HDAC4: variants seen among roughly 807,000 people sequenced by gnomAD.
HDAC4 encodes histone deacetylase A.
A neutral mutation model predicts 135.1 loss-of-function variants in HDAC4; 16 were observed. The ratio of observed to expected loss-of-function variants is 0.12; its 90% CI spans 0.08 to 0.18. The LOEUF (loss-of-function observed/expected upper bound fraction) is 0.18, where lower values mean the gene tolerates loss of function less well. Among genes scored for constraint, HDAC4 ranks in the 10% least tolerant of loss-of-function variants. The pLI, the probability that HDAC4 is intolerant of heterozygous loss-of-function variation, is 1.00. For missense variants in HDAC4, 1,143 were observed against 1,511.8 expected, an observed-to-expected ratio of 0.76 and a Z score of 4.05; for synonymous variants, 685 against 653.4, an observed-to-expected ratio of 1.05 and a Z score of -0.74.
chr2:239,363,562 C>T lies in HDAC4; in HGVS notation c.-219-10644G>A, dbSNP rs1038698868. Among the ~76,000 whole-genome samples the T allele has an allele frequency of 3.3e-5, 5 of 152,224 alleles. No individual in the cohort carries two copies. The East Asian group carries it at 7.7e-4, about 23-fold the overall frequency. ...GATGCTAAATGAACCACAGCCCATA[C>T]AGCCCGCCATGATGGAAATTAGTAT... On this transcript the variant is annotated intron_variant, in intron 1 of 26. Coordinates refer to ENST00000543185, the MANE Select transcript of HDAC4 (RefSeq NM_001378414.1).
In HDAC4 at chr2:239,139,847, C is replaced by T. The variant is rs769586135; in HGVS notation, c.866-51G>A. The T allele has an allele frequency of 5.3e-6, 8 of 1,513,428 alleles. No homozygotes were observed. In the African/African-American group the frequency reaches 1.1e-4, roughly 21 times the overall value. The allele number at this position is 1,513,428 out of a possible 1,614,324, so 93.7% of individuals were successfully genotyped here. On this transcript the variant is annotated intron_variant, in intron 8 of 26. Transcript: ENST00000543185. This position sits in a 1 kb window ranked among gnomAD's most constrained non-coding sequence, Gnocchi z 5.3. ...AGTGTTACTCCATGCGGAGGGAGGG[C>T]CGTGCTGACCTGTGGCCCGAATGCC...
chr2:239,145,612 G>A (rs1212147177), intron 7 of HDAC4, among the ~76,000 whole-genome samples: 1 of 152,210 alleles, frequency 6.6e-6, no homozygotes, highest in Non-Finnish European at 1.5e-5. Context: ...CAAGAATACC[G>A]CCACGGAGAC....
intron 2 of HDAC4, among the ~76,000 whole-genome samples, chr2:239,271,956 G>T (rs988503322): frequency 1.3e-5 from 2 of 152,136 alleles, no homozygotes; most frequent in Non-Finnish European, 2.9e-5. Context: ...CCTGGCGCCA[G>T]ATTCCAACAA....
intron 1 of HDAC4, among the ~76,000 whole-genome samples, chr2:239,392,048 G>A (rs1696256294): frequency 6.6e-6 from 1 of 152,194 alleles, no homozygotes; most frequent in East Asian, 1.9e-4. Context: ...TGGGAGGTGA[G>A]TTGGATGCTC....
rs1692990289 is a variant in HDAC4, at chr2:239,349,826, C to T, written c.22+2852G>A. ...AGGCAAACCACCTCAGCTGTACCCC[C>T]TGCACAGATGGAGAGCAGAGAATGG... On this transcript the variant is annotated intron_variant, in intron 2 of 26. Transcript: ENST00000543185. This position sits in a 1 kb window ranked among gnomAD's most constrained non-coding sequence, Gnocchi z 5.7. Among the ~76,000 whole-genome samples the T allele has an allele frequency of 6.6e-6, 1 of 152,246 alleles. No individual in the cohort carries two copies. Among genetic ancestry groups the T allele is most frequent in the African/African-American group, 2.4e-5 (1 of 41,458 alleles).
chr2:239,114,940 G>A, intron 13 of HDAC4, 113 bp downstream of exon 13: 1 of 1,287,476 alleles, frequency 7.8e-7, no homozygotes, highest in Non-Finnish European at 1.1e-6. Flanking sequence ...ACACTGGACA[G>A]TGACCGCGCA....
chr2:239,169,585 A>C (rs2043325216), intron 5 of HDAC4, among the ~76,000 whole-genome samples: 1 of 152,190 alleles, frequency 6.6e-6, no homozygotes, highest in African/African-American at 2.4e-5. Context: ...TCCTCAACCC[A>C]GGCAACGCAC....
chr2:239,378,977 C>T (rs994458621), intron 1 of HDAC4, among the ~76,000 whole-genome samples: 1 of 152,188 alleles, frequency 6.6e-6, no homozygotes, highest in African/African-American at 2.4e-5. Flanking sequence ...CATGCTGGGC[C>T]CGCTCACTCA....
At chr2:239,084,465 GCACACACACA>G (rs78087978) in intron 19 of HDAC4, among the ~76,000 whole-genome samples, 1 of 107,970 alleles carries the variant, frequency 9.3e-6, no homozygotes, top group Non-Finnish European at 2.0e-5. Flanking sequence ...GCGTGCGCGC[GCACACACACA>G]CACACACACA....
chr2:239,087,505 G>A, intron 19 of HDAC4, 54 bp downstream of exon 19: 1 of 1,555,298 alleles, frequency 6.4e-7, no homozygotes, highest in Non-Finnish European at 8.8e-7. Context: ...AGCCCTAAGG[G>A]AGGGAAGGAA....
chr2:239,253,501 G>A (rs1340751432), intron 2 of HDAC4, among the ~76,000 whole-genome samples: 2 of 152,140 alleles, frequency 1.3e-5, no homozygotes, highest in Admixed American at 6.5e-5. Flanking sequence ...ATTAACACGC[G>A]CCTGTAGTAA....
chr2:239,310,025 C>T (rs1167142464), intron 2 of HDAC4, among the ~76,000 whole-genome samples: 1 of 152,204 alleles, frequency 6.6e-6, no homozygotes, highest in Non-Finnish European at 1.5e-5. Context: ...AAGTCAGATT[C>T]CACAGCAGGG....
Position 239,349,164 on chromosome 2 carries a change from G to A in HDAC4, c.22+3514C>T, listed in dbSNP as rs1559377991. ...CCATGCCAGATGGGCAGGCAAGGGT[G>A]AGCCAGGCAGGCAAGAGTGAGCCGG... is the stretch of plus-strand genomic sequence containing the variant. On this transcript the variant is annotated intron_variant, in intron 2 of 26. Transcript: ENST00000543185. This position sits in a 1 kb window ranked among gnomAD's most constrained non-coding sequence, Gnocchi z 5.7. Among the ~76,000 whole-genome samples, 1 of 152,158 alleles carries A rather than the reference G, an allele frequency of 6.6e-6. No homozygotes were observed. The highest frequency in any genetic ancestry group is 1.5e-5 in the Non-Finnish European group (1 of 68,016).
At position 239,052,334 on chromosome 2, in the gene HDAC4, G is replaced by A. The variant is rs1035114166; in HGVS notation, c.*763C>T. 3 of 152,240 alleles carry A rather than the reference G, an allele frequency of 2.0e-5. No individual in the cohort carries two copies. The highest frequency in any genetic ancestry group is 2.9e-5 in the Non-Finnish European group (2 of 68,044). 9.4% of individuals were successfully genotyped at this position (152,240 alleles called of 1,614,324 possible). On this transcript the variant is annotated 3_prime_UTR_variant, in exon 27 of 27. Coordinates refer to ENST00000543185, the MANE Select transcript of HDAC4 (RefSeq NM_001378414.1). ...GCTGGCCACAGGAAACTGTCCCACC[G>A]ATTCCTGCTGTTTGTTTTTTCTTAA...
intron 2 of HDAC4, among the ~76,000 whole-genome samples, chr2:239,343,792 G>A (rs1264217856): frequency 6.6e-6 from 1 of 152,244 alleles, no homozygotes; most frequent in Non-Finnish European, 1.5e-5. Flanking sequence ...CACTCCTTGA[G>A]GGAAGGTGAC....
At chr2:239,227,962 T>C (rs1436632976) in intron 3 of HDAC4, among the ~76,000 whole-genome samples, 1 of 152,150 alleles carries the variant, frequency 6.6e-6, no homozygotes, top group African/African-American at 2.4e-5. Flanking sequence ...CAAGCCCTCC[T>C]GTTGTTATGC....
intron 2 of HDAC4, among the ~76,000 whole-genome samples, chr2:239,282,699 C>G (rs1350419887): frequency 7.0e-6 from 1 of 142,436 alleles, no homozygotes; most frequent in African/African-American, 3.0e-5. Flanking sequence ...AATGTACACA[C>G]CACTCTGCAA....
At chr2:239,265,416 T>G (rs1414104324) in intron 2 of HDAC4, among the ~76,000 whole-genome samples, 1 of 152,208 alleles carries the variant, frequency 6.6e-6, no homozygotes, top group Non-Finnish European at 1.5e-5. Flanking sequence ...AGCCAAGGCC[T>G]CCCACTCAGA....
At chr2:239,280,471 G>C (rs905371158) in intron 2 of HDAC4, among the ~76,000 whole-genome samples, 2 of 152,194 alleles carry the variant, frequency 1.3e-5, no homozygotes, top group Non-Finnish European at 2.9e-5. Flanking sequence ...CGATGGGCGA[G>C]CCAGGGGCAC....
Sources: allele counts gnomAD v4.1 joint callset (sites outside exome capture counted in the v4.1 genomes callset), GRCh38; gene constraint gnomAD v4.1.1; non-coding constraint Gnocchi (gnomAD v3.1); transcripts MANE v1.5; gene names NCBI Gene and HGNC (gene_info 2026-07-23, HGNC 2026-07-21).